Variants in FANK1 observed in about 807,000 individuals in gnomAD.
FANK1 encodes the protein fibronectin type III and ankyrin repeat domains 1.
FANK1 carries 44 observed loss-of-function variants against 45.3 expected under a neutral mutation model. The observed-to-expected ratio is 0.97, with a 90% CI of 0.76 to 1.25. The LOEUF (loss-of-function observed/expected upper bound fraction) is 1.25, where lower values mean the gene tolerates loss of function less well. Among genes scored for constraint, FANK1 ranks in the 50% most tolerant of loss-of-function variants. FANK1 has a pLI of 0.00. For missense variants in FANK1, 391 were observed against 424.4 expected, an observed-to-expected ratio of 0.92 and a Z score of 0.69; for synonymous variants, 149 against 152.5, an observed-to-expected ratio of 0.98 and a Z score of 0.17.
intron 6 of FANK1, among the ~76,000 whole-genome samples, chr10:125,998,993 GA>G (rs1219442026): frequency 6.6e-6 from 1 of 151,688 alleles, no homozygotes; most frequent in Admixed American, 6.6e-5. Flanking sequence ...TTTGATAGAG[GA>G]AAAAAAAGCT....
At chr10:125,951,288 C>T (rs1949209895) in intron 1 of FANK1, among the ~76,000 whole-genome samples, 2 of 151,392 alleles carry the variant, frequency 1.3e-5, no homozygotes, top group South Asian at 4.2e-4. Context: ...TTGGAATAGA[C>T]TGGCCAAGAT....
chr10:125,939,334 A>G (rs1194704632), intron 1 of FANK1, among the ~76,000 whole-genome samples: 1 of 152,218 alleles, frequency 6.6e-6, no homozygotes. Flanking sequence ...TGGACTACAT[A>G]TTCGATAATA....
intron 1 of FANK1, among the ~76,000 whole-genome samples, chr10:125,977,146 G>A (rs1465324084): frequency 6.6e-6 from 1 of 152,106 alleles, no homozygotes; most frequent in Non-Finnish European, 1.5e-5. Context: ...AACTGGTGTG[G>A]CCATTTGGAG....
chr10:125,952,583 G>A (rs1949312304), intron 1 of FANK1, among the ~76,000 whole-genome samples: 1 of 152,028 alleles, frequency 6.6e-6, no homozygotes, highest in African/African-American at 2.4e-5. Flanking sequence ...ACTTCTCTGT[G>A]CCTGGAAAAT....
At chr10:125,905,117 C>T (rs577873300) in intron 1 of FANK1, among the ~76,000 whole-genome samples, 6 of 120,610 alleles carry the variant, frequency 5.0e-5, no homozygotes, top group African/African-American at 9.6e-5. Context: ...GGTGACAGAG[C>T]GAGACTCTGT....
chr10:126,008,300 G>T, intron 7 of FANK1, 107 bp from the exon 8 acceptor site: 1 of 1,400,016 alleles, frequency 7.1e-7, no homozygotes, highest in Non-Finnish European at 9.5e-7. Flanking sequence ...TAGAAAGACG[G>T]CTATCTAAGT....
At chr10:126,005,880 G>T (rs564652071) in intron 7 of FANK1, among the ~76,000 whole-genome samples, 4 of 152,238 alleles carry the variant, frequency 2.6e-5, no homozygotes, top group African/African-American at 9.6e-5. Context: ...ATCTTTACCT[G>T]GAAACAGGCA....
intron 7 of FANK1, among the ~76,000 whole-genome samples, chr10:126,006,224 T>TC (rs1222790789): frequency 6.6e-6 from 1 of 152,196 alleles, no homozygotes; most frequent in Non-Finnish European, 1.5e-5. Context: ...GTAGATTTCT[T>TC]CTAGTTTGTT....
At chr10:125,942,462 T>C (rs768007188) in intron 1 of FANK1, among the ~76,000 whole-genome samples, 5 of 152,194 alleles carry the variant, frequency 3.3e-5, no homozygotes, top group Non-Finnish European at 7.3e-5. Context: ...TTTAGAGTTT[T>C]TTCCCCAATC....
chr10:125,960,171 TCCTC>T, intron 1 of FANK1: 1 of 187,484 alleles, frequency 5.3e-6, no homozygotes, highest in South Asian at 1.1e-4. Flanking sequence ...TTGAAGGCAT[TCCTC>T]TGCAGACTTC....
At chr10:125,947,152 C>T (rs1332883410) in intron 1 of FANK1, among the ~76,000 whole-genome samples, 1 of 151,796 alleles carries the variant, frequency 6.6e-6, no homozygotes, top group Non-Finnish European at 1.5e-5. Flanking sequence ...CCAGCTGCTG[C>T]AAAATCATGC....
intron 7 of FANK1, among the ~76,000 whole-genome samples, chr10:126,006,094 A>C (rs1953175383): frequency 6.6e-6 from 1 of 152,260 alleles, no homozygotes; most frequent in Admixed American, 6.5e-5. Context: ...CTAAAGAATG[A>C]TGGACAAAGT....
At chr10:125,958,647 A>G (rs1949730216) in intron 1 of FANK1, among the ~76,000 whole-genome samples, 1 of 152,036 alleles carries the variant, frequency 6.6e-6, no homozygotes, top group South Asian at 2.1e-4. Flanking sequence ...CCTCACTAGC[A>G]TTTGTTATTT....
chr10:125,979,443 C>A (rs1951057566), intron 1 of FANK1, among the ~76,000 whole-genome samples: 1 of 152,164 alleles, frequency 6.6e-6, no homozygotes, highest in African/African-American at 2.4e-5. Context: ...TAGATGCTTC[C>A]ATATTGCCCT....
intron 2 of FANK1, among the ~76,000 whole-genome samples, chr10:125,981,134 G>A (rs1951181618): frequency 6.6e-6 from 1 of 152,188 alleles, no homozygotes; most frequent in Non-Finnish European, 1.5e-5. Context: ...GCTCTAGCCG[G>A]TTCCTTGACA....
At chr10:125,907,423 G>A (rs1447612002) in intron 1 of FANK1, 7 of 872,526 alleles carry the variant, frequency 8.0e-6, no homozygotes, top group Non-Finnish European at 9.6e-6. Flanking sequence ...CAATGTCCTG[G>A]TGTTGTACTC....
chr10:125,969,349 T>TAA (rs538124047), intron 1 of FANK1, among the ~76,000 whole-genome samples: 7 of 141,902 alleles, frequency 4.9e-5, no homozygotes, highest in East Asian at 2.0e-4. Context: ...TTATCAGACT[T>TAA]AAAAAAAAAA....
At chr10:125,929,002 C>T (rs1370985900) in intron 1 of FANK1, among the ~76,000 whole-genome samples, 1 of 152,206 alleles carries the variant, frequency 6.6e-6, no homozygotes, top group Non-Finnish European at 1.5e-5. Context: ...AACTTTCTCT[C>T]TTTTCCCTGA....
chr10:125,973,066 G>A (rs577188974), intron 1 of FANK1: 4 of 152,280 alleles, frequency 2.6e-5, no homozygotes, highest in Non-Finnish European at 5.9e-5. Flanking sequence ...CAGCTCTGGT[G>A]GCAGTGGGCC....
Sources: allele counts gnomAD v4.1 joint callset (sites outside exome capture counted in the v4.1 genomes callset), GRCh38; gene constraint gnomAD v4.1.1; transcripts MANE v1.5; gene names NCBI Gene and HGNC (gene_info 2026-07-23, HGNC 2026-07-21).